Variants in INPP4B observed in about 807,000 individuals in gnomAD.
INPP4B encodes the protein inositol polyphosphate 4-phosphatase type II.
A neutral mutation model predicts 122.5 loss-of-function variants in INPP4B; 55 were observed. The observed-to-expected ratio is 0.45, with a 90% CI of 0.36 to 0.56. The LOEUF (loss-of-function observed/expected upper bound fraction) is 0.56. Among genes scored for constraint, INPP4B ranks in the 20% least tolerant of loss-of-function variants. The probability of loss-of-function intolerance (pLI) is 0.00; values close to 1 mark genes in which losing one functional copy is unlikely to be tolerated. For missense variants in INPP4B, 1,000 were observed against 1,097.7 expected, an observed-to-expected ratio of 0.91 and a Z score of 1.26; for synonymous variants, 403 against 388.7, an observed-to-expected ratio of 1.04 and a Z score of -0.43.
At chr4:142,403,989 GA>G (rs1293205671) in intron 6 of INPP4B, among the ~76,000 whole-genome samples, 1 of 151,938 alleles carries the variant, frequency 6.6e-6, no homozygotes, top group East Asian at 1.9e-4. Context: ...TGAAAATTAA[GA>G]AAAAATCAAA....
chr4:142,742,505 G>C (rs967618784), intron 1 of INPP4B, among the ~76,000 whole-genome samples: 3 of 151,830 alleles, frequency 2.0e-5, no homozygotes, highest in Admixed American at 2.0e-4. Flanking sequence ...TATATCAACA[G>C]ATTTTCAAAG....
intron 9 of INPP4B, among the ~76,000 whole-genome samples, chr4:142,302,277 G>A (rs10016877): frequency 6.6e-5 from 10 of 151,938 alleles, no homozygotes; most frequent in Admixed American, 5.2e-4. Flanking sequence ...GCCTCGGCAC[G>A]GTGGTGAAGT....
chr4:142,393,608 G>C (rs182301679), intron 7 of INPP4B, among the ~76,000 whole-genome samples: 2 of 152,158 alleles, frequency 1.3e-5, no homozygotes, highest in African/African-American at 2.4e-5. Flanking sequence ...AACTAAATAC[G>C]GCCTGAGAAG....
At chr4:142,029,673 A>T in intron 25 of INPP4B, 1 of 984,136 alleles carries the variant, frequency 1.0e-6, no homozygotes, top group Non-Finnish European at 1.2e-6. Context: ...AAAACAGGTT[A>T]AAAAAAATTT....
At chr4:142,546,229 C>T (rs535430089) in intron 2 of INPP4B, among the ~76,000 whole-genome samples, 3 of 151,992 alleles carry the variant, frequency 2.0e-5, no homozygotes, top group Non-Finnish European at 2.9e-5. Flanking sequence ...AGGATAATGG[C>T]CTCCAGCTCT....
chr4:142,640,338 G>A (rs1415418658), intron 2 of INPP4B, among the ~76,000 whole-genome samples: 1 of 151,976 alleles, frequency 6.6e-6, no homozygotes, highest in African/African-American at 2.4e-5. Context: ...TGTGGTACTG[G>A]TACAAGGCAC....
chr4:142,283,467 A>C (rs1268791500), intron 9 of INPP4B, among the ~76,000 whole-genome samples: 1 of 152,206 alleles, frequency 6.6e-6, no homozygotes. Flanking sequence ...TCTAAGAAAT[A>C]TGCCATTAGG....
Position 142,122,192 on chromosome 4 carries a change from T to G in INPP4B, c.2071A>C (p.Lys691Gln), listed in dbSNP as rs1578983474. 3 of 1,612,236 alleles carry G rather than the reference T, an allele frequency of 1.9e-6. No individual in the cohort carries two copies. Among genetic ancestry groups the G allele is most frequent in the Non-Finnish European group, 2.5e-6 (3 of 1,179,106 alleles). ...GCTTCAATTATTTTAAATGCAACTT[T>G]CTTTAAATCGGAAATGCCAACGGCC... Reference protein sequence around the residue: ...DMAVGISDLKKVAFKIIEAKS... With the variant: ...DMAVGISDLKQVAFKIIEAKS... The change falls in exon 21 of 26, where the codon AAA becomes CAA. Residue 691 changes from lysine (K) to glutamine (Q), a missense_variant. Coordinates refer to ENST00000262992, the MANE Select transcript of INPP4B (RefSeq NM_001101669.3).
intron 7 of INPP4B, among the ~76,000 whole-genome samples, chr4:142,352,121 T>C (rs926133540): frequency 5.3e-5 from 8 of 151,866 alleles, no homozygotes; most frequent in African/African-American, 1.9e-4. Flanking sequence ...GTTGGCCAAA[T>C]AGTGTGTTTT....
At chr4:142,564,451 A>AAGAAAGAAAGAAAGAAAG (rs754667684) in intron 2 of INPP4B, among the ~76,000 whole-genome samples, 8 of 131,680 alleles carry the variant, frequency 6.1e-5, no homozygotes, top group African/African-American at 5.7e-5. Context: ...AAAAAAAAAA[A>AAGAAAGAAAGAAAGAAAG]AAAGAAAGAA....
intron 5 of INPP4B, among the ~76,000 whole-genome samples, chr4:142,428,880 T>C (rs948116783): frequency 6.6e-6 from 1 of 151,988 alleles, no homozygotes; most frequent in African/African-American, 2.4e-5. Flanking sequence ...GGAATGCTGG[T>C]TAGCAACAAA....
intron 12 of INPP4B, among the ~76,000 whole-genome samples, chr4:142,237,487 G>A (rs189225255): frequency 5.9e-5 from 9 of 152,094 alleles, no homozygotes; most frequent in Non-Finnish European, 4.4e-5. Flanking sequence ...TTAATATTTT[G>A]TTATTAAATC....
chr4:142,693,022 G>A (rs1760452905), intron 2 of INPP4B, among the ~76,000 whole-genome samples: 2 of 149,132 alleles, frequency 1.3e-5, no homozygotes, highest in African/African-American at 4.9e-5. Context: ...AAAAAAAAAA[G>A]AGAAATTAAC....
At chr4:142,573,006 G>T (rs1213296405) in intron 2 of INPP4B, among the ~76,000 whole-genome samples, 20 of 151,848 alleles carry the variant, frequency 1.3e-4, no homozygotes, top group Admixed American at 1.3e-3. Flanking sequence ...AATTTATGAA[G>T]AAGAGAGGTT....
chr4:142,052,442 T>C (rs1755155888), intron 25 of INPP4B, among the ~76,000 whole-genome samples: 2 of 152,076 alleles, frequency 1.3e-5, no homozygotes. Flanking sequence ...GATGTATTTC[T>C]AAAAAACATG....
intron 2 of INPP4B, among the ~76,000 whole-genome samples, chr4:142,523,761 C>T: frequency 6.7e-6 from 1 of 149,006 alleles, no homozygotes; most frequent in African/African-American, 2.5e-5. Flanking sequence ...CACCCACTAA[C>T]TCGTCATCTA....
chr4:142,128,786 A>G (rs1295682297), intron 18 of INPP4B, among the ~76,000 whole-genome samples: 4 of 151,570 alleles, frequency 2.6e-5, no homozygotes, highest in Non-Finnish European at 5.9e-5. Flanking sequence ...TGCCCCCCTC[A>G]CCTCCTCCAC....
chr4:142,465,217 T>C (rs1817536007), intron 2 of INPP4B, among the ~76,000 whole-genome samples: 1 of 152,220 alleles, frequency 6.6e-6, no homozygotes, highest in Non-Finnish European at 1.5e-5. Flanking sequence ...TCAACTGTCC[T>C]ATGTGAGCCT....
At chr4:142,311,035 A>G (rs893474931) in intron 8 of INPP4B, among the ~76,000 whole-genome samples, 1 of 152,138 alleles carries the variant, frequency 6.6e-6, no homozygotes, top group Non-Finnish European at 1.5e-5. Context: ...ATTATAATAA[A>G]AAATCTAAAC....
Sources: allele counts gnomAD v4.1 joint callset (sites outside exome capture counted in the v4.1 genomes callset), GRCh38; gene constraint gnomAD v4.1.1; transcripts MANE v1.5; gene names NCBI Gene and HGNC (gene_info 2026-07-23, HGNC 2026-07-21).